NCOA3: variants seen among roughly 807,000 people sequenced by gnomAD.
The protein encoded by NCOA3 is CBP-interacting protein.
Under a neutral mutation model 158.8 loss-of-function variants are expected in NCOA3, and 51 were observed. The ratio of observed to expected loss-of-function variants is 0.32; its 90% CI spans 0.26 to 0.41. The LOEUF (loss-of-function observed/expected upper bound fraction) is 0.41, where lower values mean the gene tolerates loss of function less well. NCOA3 is among the 10% of genes least tolerant of loss of function. The pLI, the probability that NCOA3 is intolerant of heterozygous loss-of-function variation, is 1.00. For synonymous variants in NCOA3, 537 were observed against 592.4 expected (o/e 0.91, Z 1.36); for missense variants, 1,510 against 1,746.6 (o/e 0.86, Z 2.41).
At chr20:47,570,640 TTGA>T (rs2085276180) in intron 1 of NCOA3, among the ~76,000 whole-genome samples, 1 of 152,154 alleles carries the variant, frequency 6.6e-6, no homozygotes, top group South Asian at 2.1e-4. Flanking sequence ...CCTATTTGTG[TTGA>T]TATTTTGACC....
intron 1 of NCOA3, among the ~76,000 whole-genome samples, chr20:47,579,246 C>T (rs550413409): frequency 4.6e-5 from 7 of 152,248 alleles, no homozygotes; most frequent in Non-Finnish European, 8.8e-5. Context: ...GCTGGCGTTA[C>T]AGGTGTGCGC....
intron 1 of NCOA3, among the ~76,000 whole-genome samples, chr20:47,548,168 A>AC (rs1490199030): frequency 6.6e-6 from 1 of 152,054 alleles, no homozygotes; most frequent in East Asian, 1.9e-4. Context: ...GTGAGTTACC[A>AC]CCTGTCATAT....
Position 47,585,014 on chromosome 20 carries a change from G to A in NCOA3, c.-20+1753G>A, listed in dbSNP as rs993444887. On this transcript the variant is annotated intron_variant, in intron 2 of 22. Coordinates refer to ENST00000371998, the MANE Select transcript of NCOA3 (RefSeq NM_181659.3). ...AAATTTCCCCAGATTGCTTGTGCTG[G>A]CAAATAACATTTCATCTAACCCCTT... Among the ~76,000 whole-genome samples, 18 of 148,120 alleles carry A rather than the reference G, an allele frequency of 1.2e-4. 1 individual carries two copies. Among genetic ancestry groups the A allele is most frequent in the Non-Finnish European group, 7.4e-5 (5 of 67,426 alleles).
At chr20:47,620,612 C>G (rs146236414) in intron 2 of NCOA3, among the ~76,000 whole-genome samples, 64 of 152,280 alleles carry the variant, frequency 4.2e-4, no homozygotes, top group African/African-American at 1.2e-3. Context: ...TATTCACTCA[C>G]TCATTATATA....
chr20:47,601,105 G>T (rs778244609), intron 2 of NCOA3, among the ~76,000 whole-genome samples: 2 of 152,210 alleles, frequency 1.3e-5, no homozygotes, highest in African/African-American at 2.4e-5. Flanking sequence ...AAGCTGGGAA[G>T]TCTGAGATCT....
intron 1 of NCOA3, among the ~76,000 whole-genome samples, chr20:47,516,161 G>T (rs2084230071): frequency 6.6e-6 from 1 of 152,108 alleles, no homozygotes; most frequent in African/African-American, 2.4e-5. Flanking sequence ...ACGATACCAG[G>T]AGTAAACTCT....
intron 1 of NCOA3, among the ~76,000 whole-genome samples, chr20:47,502,546 T>A (rs2146033130): frequency 6.6e-6 from 1 of 152,042 alleles, no homozygotes; most frequent in Non-Finnish European, 1.5e-5. Flanking sequence ...AAAAAATATT[T>A]TAACACGAAT....
rs781251226 is a variant in NCOA3 at position 47,652,511 on chromosome 20, C to T, written c.4052C>T (p.Pro1351Leu). The T allele has an allele frequency of 1.1e-5, 17 of 1,614,042 alleles. No homozygotes were observed. Among genetic ancestry groups the T allele is most frequent in the East Asian group, 2.2e-5 (1 of 44,882 alleles). Residue 1351 changes from proline to leucine, a missense_variant, in exon 21 of 23, where the codon CCG becomes CTG. Coordinates refer to ENST00000371998, the MANE Select transcript of NCOA3 (RefSeq NM_181659.3). Reference protein sequence around the residue: ...GPSQNPMMQHPQAASIYQSSE... With the variant: ...GPSQNPMMQHLQAASIYQSSE... ...TCCCAGAATCCCATGATGCAACACCCGCAGGCTGCATCCATCTATCAGTCC... is the reference window on the plus strand; with the variant it reads ...TCCCAGAATCCCATGATGCAACACCTGCAGGCTGCATCCATCTATCAGTCC...
At chr20:47,511,410 ATTTTTTTT>A (rs35591258) in intron 1 of NCOA3, among the ~76,000 whole-genome samples, 1 of 86,386 alleles carries the variant, frequency 1.2e-5, no homozygotes, top group Non-Finnish European at 2.2e-5. Context: ...ACCATGCCTA[ATTTTTTTT>A]TTTTTTTTTT....
intron 2 of NCOA3, among the ~76,000 whole-genome samples, chr20:47,603,326 A>T (rs546446908): frequency 9.8e-4 from 150 of 152,360 alleles, no homozygotes; most frequent in African/African-American, 3.5e-3. Flanking sequence ...GCTGTGGCTC[A>T]TCTGTTCCGT....
In NCOA3 at chr20:47,567,019, T is replaced by C. The variant is rs6018551; in HGVS notation, c.-98-16164T>C. Among the ~76,000 whole-genome samples the C allele has an allele frequency of 2.1e-3, 228 of 107,120 alleles. 1 individual carries two copies. The highest frequency in any genetic ancestry group is 9.5e-3 in the African/African-American group (211 of 22,274). The allele number at this position is 107,120 out of a possible 152,430, so 70.3% of individuals were successfully genotyped here. A position where few individuals can be genotyped will look rare whatever the true frequency, so the allele number is the denominator to read the frequency against. ...AGTTTACATGGTATAGTACTATGTA[T>C]GTATGTATGTATGTATGTATGTATG... On this transcript the variant is annotated intron_variant, in intron 1 of 22. Transcript: ENST00000371998.
At chr20:47,587,643 A>T (rs969328144) in intron 2 of NCOA3, among the ~76,000 whole-genome samples, 2 of 152,184 alleles carry the variant, frequency 1.3e-5, no homozygotes, top group Non-Finnish European at 2.9e-5. Flanking sequence ...CAGTGTAAAT[A>T]CTGTGTAGGT....
Position 47,651,095 on chromosome 20 carries a change from G to GCAGCAA in NCOA3, c.3770_3771insACAGCA (p.Gln1275_Gln1276dup), listed in dbSNP as rs2086784368. On this transcript the variant is annotated inframe_insertion, in exon 20 of 23. Transcript: ENST00000371998. ...TGCAGCAGCAGCAGCAGCAGCAACAGCAGCAGCAGCAGCAGCAGCAGCAGC... is the reference window on the plus strand; with the variant it reads ...TGCAGCAGCAGCAGCAGCAGCAACAGCAGCAACAGCAGCAGCAGCAGCAGCAGCAGC... 6.4e-6 allele frequency: 4 copies of GCAGCAA among 626,284 alleles called. No individual in the cohort carries two copies. In the South Asian group the frequency reaches 7.0e-5, roughly 11 times the overall value. The allele number at this position is 626,284 out of a possible 1,614,324, so 38.8% of individuals were successfully genotyped here.
intron 1 of NCOA3, among the ~76,000 whole-genome samples, chr20:47,563,873 A>C: frequency 7.2e-6 from 1 of 139,284 alleles, no homozygotes; most frequent in South Asian, 2.3e-4. Context: ...TGGGCTACAG[A>C]GCGAGATTCT....
Position 47,627,908 on chromosome 20 carries a change from A to AT in NCOA3, c.722-8dup, listed in dbSNP as rs539007487. On this transcript the variant is annotated splice_polypyrimidine_tract_variant and intron_variant, in intron 7 of 22. Transcript: ENST00000371998. ...TTAAGTATAATCCTTACCAGGGTGA[A>AT]TTTTTTATTGTAGATTTGCAATCTT... The AT allele has an allele frequency of 8.1e-6, 13 of 1,610,536 alleles. No homozygotes were observed. The Admixed American group carries it at 2.2e-4, about 27-fold the overall frequency.
At chr20:47,553,385 G>GA (rs1370253268) in intron 1 of NCOA3, among the ~76,000 whole-genome samples, 8 of 151,750 alleles carry the variant, frequency 5.3e-5, no homozygotes, top group Admixed American at 5.3e-4. Context: ...TTACACTCTT[G>GA]AAAATTTTTT....
chr20:47,599,825 C>T (rs946392172), intron 2 of NCOA3, among the ~76,000 whole-genome samples: 1 of 152,140 alleles, frequency 6.6e-6, no homozygotes, highest in Non-Finnish European at 1.5e-5. Flanking sequence ...AGAAAGTTTA[C>T]ATTGAAAAGA....
In NCOA3 at chr20:47,622,310, A is replaced by G. The variant is rs899339753; in HGVS notation, c.63A>G (p.Pro21=). ...GTGATTCACGAAAACGCAAATTGCC[A>G]TGTGATACTCCAGGACAAGGGTAGG... The part of the protein sequence containing the change: ...LASDSRKRKL[P]CDTPGQGLTC... The change falls in exon 3 of 23, where the codon CCA becomes CCG. Residue 21 remains proline, a synonymous_variant. Coordinates refer to ENST00000371998, the MANE Select transcript of NCOA3 (RefSeq NM_181659.3). The G allele has an allele frequency of 1.2e-6, 2 of 1,606,250 alleles. No individual in the cohort carries two copies. The highest frequency in any genetic ancestry group is 2.3e-5 in the East Asian group (1 of 44,328).
chr20:47,512,248 C>T (rs994904011), intron 1 of NCOA3, among the ~76,000 whole-genome samples: 1 of 151,984 alleles, frequency 6.6e-6, no homozygotes, highest in Non-Finnish European at 1.5e-5. Context: ...ATTTACATCT[C>T]AATAAGATAA....
Sources: allele counts gnomAD v4.1 joint callset (sites outside exome capture counted in the v4.1 genomes callset), GRCh38; gene constraint gnomAD v4.1.1; transcripts MANE v1.5; gene names NCBI Gene and HGNC (gene_info 2026-07-23, HGNC 2026-07-21).